KCNG2: variants seen among roughly 807,000 people sequenced by gnomAD.
KCNG2 encodes potassium voltage-gated channel modifier subfamily G member 2, also known as voltage-gated potassium channel regulatory subunit KCNG2.
In KCNG2, 7 loss-of-function variants were observed where a neutral mutation model predicts 12.3. The observed-to-expected ratio is 0.57, with a 90% confidence interval of 0.32 to 1.07. The LOEUF (loss-of-function observed/expected upper bound fraction) is 1.07. KCNG2 is among the 50% of genes least tolerant of loss of function. The pLI is 0.04. For missense variants in KCNG2, 703 were observed against 726.0 expected (o/e 0.97, Z 0.36); for synonymous variants, 414 against 351.4 (o/e 1.18, Z -1.99).
chr18:79,842,666 GAAAGCAT>G (rs1978497040), intron 1 of KCNG2, among the ~76,000 whole-genome samples: 1 of 152,142 alleles, frequency 6.6e-6, no homozygotes, highest in Non-Finnish European at 1.5e-5. Context: ...CAAAGAGATA[GAAAGCAT>G]AAAAAAGACC....
intron 2 of KCNG2, among the ~76,000 whole-genome samples, chr18:79,863,053 A>G (rs1005130180): frequency 6.6e-6 from 1 of 152,060 alleles, no homozygotes; most frequent in Admixed American, 6.5e-5. Flanking sequence ...AAAAAAGTTG[A>G]CTCTTGACAG....
In KCNG2 at chr18:79,814,311, T is replaced by C. The variant is rs1010321315; in HGVS notation, c.-115+16297T>C. Among the ~76,000 whole-genome samples, 4 of 152,230 alleles carry C rather than the reference T, an allele frequency of 2.6e-5. No individual in the cohort carries two copies. The South Asian group carries it at 8.3e-4, about 32-fold the overall frequency. ...AAAACCTAGACACAAATTTTCATAA[T>C]GTTATTACTAACAACCAAAAACTGG... is the stretch of plus-strand genomic sequence containing the variant. On this transcript the variant is annotated intron_variant, in intron 1 of 3. Transcript: ENST00000316249.
intron 2 of KCNG2, among the ~76,000 whole-genome samples, chr18:79,863,283 G>A (rs1267382292): frequency 2.0e-5 from 3 of 152,252 alleles, no homozygotes; most frequent in East Asian, 1.9e-4. Context: ...CTCACCGGTC[G>A]GTGGGGTCCG....
At chr18:79,882,563 G>A (rs1980339235) in intron 3 of KCNG2, among the ~76,000 whole-genome samples, 1 of 152,268 alleles carries the variant, frequency 6.6e-6, no homozygotes, top group Non-Finnish European at 1.5e-5. Context: ...ACACGCCTAT[G>A]GCAAATACAG....
At chr18:79,854,630 A>C (rs1375769838) in intron 1 of KCNG2, among the ~76,000 whole-genome samples, 2 of 149,066 alleles carry the variant, frequency 1.3e-5, no homozygotes, top group Non-Finnish European at 3.0e-5. Context: ...GGGTTCACGC[A>C]TTCTCCTGCC....
intron 1 of KCNG2, among the ~76,000 whole-genome samples, chr18:79,837,300 C>T (rs1001234447): frequency 1.3e-5 from 2 of 152,222 alleles, no homozygotes; most frequent in East Asian, 1.9e-4. Flanking sequence ...CAGCTCTGCC[C>T]CTGTGGCTTT....
intron 3 of KCNG2, among the ~76,000 whole-genome samples, chr18:79,880,715 C>T (rs772225341): frequency 6.6e-6 from 1 of 152,164 alleles, no homozygotes; most frequent in Non-Finnish European, 1.5e-5. Context: ...ATCAGTAAAT[C>T]GGGGTTGGTA....
chr18:79,847,222 A>G (rs776198806), intron 1 of KCNG2, among the ~76,000 whole-genome samples: 3 of 152,154 alleles, frequency 2.0e-5, no homozygotes, highest in Non-Finnish European at 2.9e-5. Context: ...GGCCTCGTAC[A>G]AGGTCCCCCA....
chr18:79,805,599 G>C (rs2087443242), intron 1 of KCNG2, among the ~76,000 whole-genome samples: 1 of 151,786 alleles, frequency 6.6e-6, no homozygotes, highest in Non-Finnish European at 1.5e-5. Context: ...CCTGTCTACT[G>C]TTTGTCACAT....
rs756789528 is a variant in KCNG2, at chr18:79,899,209, C to T, written c.794C>T (p.Ser265Leu). 2 of 1,603,118 alleles carry T rather than the reference C, an allele frequency of 1.2e-6. No individual in the cohort carries two copies. The highest frequency in any genetic ancestry group is 1.7e-6 in the Non-Finnish European group (2 of 1,179,348). ...DILALLPFYV[S>L]LLLGLAAGPG... ...CTGGCGCTCCTGCCGTTCTACGTGT[C>T]GCTGCTGCTGGGGCTGGCGGCAGGC... The change falls in exon 4 of 4, where the codon TCG becomes TTG. Residue 265 changes from serine (S) to leucine (L), a missense_variant. Ser to Leu is a moderately radical substitution (Grantham distance 145). Transcript: ENST00000316249.
chr18:79,809,971 G>A lies in KCNG2; in HGVS notation c.-115+11957G>A, dbSNP rs184600244. Among the ~76,000 whole-genome samples the A allele has an allele frequency of 3.6e-3, 543 of 152,340 alleles. 7 individuals are homozygous for A. The highest frequency in any genetic ancestry group is 0.013 in the African/African-American group (521 of 41,572). On this transcript the variant is annotated intron_variant, in intron 1 of 3. Coordinates refer to ENST00000316249, the MANE Select transcript of KCNG2 (RefSeq NM_012283.2). ...TGGGCGGAGTCCTGTGCTCATTGGC[G>A]TTTGGCTGTGGGTTCTGGTCTCAGC...
At chr18:79,875,503 T>C (rs1980032767) in intron 3 of KCNG2, among the ~76,000 whole-genome samples, 1 of 152,220 alleles carries the variant, frequency 6.6e-6, no homozygotes. Context: ...AAACTCCCAC[T>C]GTGAGTTTGT....
intron 1 of KCNG2, among the ~76,000 whole-genome samples, chr18:79,831,971 GCAGCCGT>G (rs1978298612): frequency 6.6e-6 from 1 of 152,218 alleles, no homozygotes; most frequent in Non-Finnish European, 1.5e-5. Context: ...AATGCAAGGA[GCAGCCGT>G]CAGAGCAAAT....
chr18:79,895,942 A>G (rs1337879772), intron 3 of KCNG2, among the ~76,000 whole-genome samples: 1 of 152,182 alleles, frequency 6.6e-6, no homozygotes, highest in Non-Finnish European at 1.5e-5. Flanking sequence ...CTAATGGAGC[A>G]TTTTAATTCC....
At chr18:79,841,287 C>A (rs944048530) in intron 1 of KCNG2, among the ~76,000 whole-genome samples, 1 of 151,952 alleles carries the variant, frequency 6.6e-6, no homozygotes, top group Non-Finnish European at 1.5e-5. Flanking sequence ...AGAGCAAGAC[C>A]CTATCTCATA....
intron 3 of KCNG2, among the ~76,000 whole-genome samples, chr18:79,882,800 CGGGTA>C (rs1980356855): frequency 1.3e-5 from 2 of 148,944 alleles, no homozygotes; most frequent in African/African-American, 4.9e-5. Context: ...GCGCGGAGGC[CGGGTA>C]CACCTGCGCG....
intron 3 of KCNG2, among the ~76,000 whole-genome samples, chr18:79,889,505 C>T (rs1980672381): frequency 6.6e-6 from 1 of 152,138 alleles, no homozygotes; most frequent in African/African-American, 2.4e-5. Context: ...TGATGCATTT[C>T]TTCCTTTTGA....
At chr18:79,850,094 C>T (rs1978766711) in intron 1 of KCNG2, among the ~76,000 whole-genome samples, 1 of 152,266 alleles carries the variant, frequency 6.6e-6, no homozygotes, top group Non-Finnish European at 1.5e-5. Context: ...ATGTACCCAG[C>T]ACACACGTGC....
intron 1 of KCNG2, among the ~76,000 whole-genome samples, chr18:79,798,309 C>T (rs994935688): frequency 1.3e-5 from 2 of 152,008 alleles, no homozygotes; most frequent in African/African-American, 4.8e-5. Flanking sequence ...AGGCGCTCGC[C>T]GGTCTGGCCG....
Sources: allele counts gnomAD v4.1 joint callset (sites outside exome capture counted in the v4.1 genomes callset), GRCh38; gene constraint gnomAD v4.1.1; transcripts MANE v1.5; gene names NCBI Gene and HGNC (gene_info 2026-07-23, HGNC 2026-07-21).